SYT1: variants seen among roughly 807,000 people sequenced by gnomAD.
SYT1 encodes the protein synaptotagmin 1.
A neutral mutation model predicts 44.8 loss-of-function variants in SYT1; 8 were observed. That is an observed-to-expected ratio of 0.18 (90% CI 0.10 to 0.32). SYT1 has a LOEUF of 0.32. SYT1 is among the 10% of genes least tolerant of loss of function. SYT1 has a pLI of 1.00. For synonymous variants in SYT1, 154 were observed against 188.8 expected, an observed-to-expected ratio of 0.82 and a Z score of 1.51; for missense variants, 286 against 509.3, an observed-to-expected ratio of 0.56 and a Z score of 4.22.
At chr12:78,970,120 AGGT>A (rs1480158651) in intron 1 of SYT1, among the ~76,000 whole-genome samples, 5 of 152,206 alleles carry the variant, frequency 3.3e-5, no homozygotes, top group African/African-American at 1.2e-4. Flanking sequence ...TGAGAGAAAA[AGGT>A]GAGTTGCTGC....
At chr12:79,413,983 G>A (rs1458753923) in intron 9 of SYT1, among the ~76,000 whole-genome samples, 5 of 152,082 alleles carry the variant, frequency 3.3e-5, no homozygotes, top group Admixed American at 3.3e-4. Flanking sequence ...TTACAATTTA[G>A]GCTGGGACTG....
intron 3 of SYT1, among the ~76,000 whole-genome samples, chr12:79,147,627 A>T (rs1347251788): frequency 2.6e-5 from 4 of 152,220 alleles, no homozygotes; most frequent in Non-Finnish European, 5.9e-5. Context: ...TACATTTCTT[A>T]CAATACATTC....
chr12:79,189,140 T>C (rs575531147), intron 3 of SYT1, among the ~76,000 whole-genome samples: 1 of 152,276 alleles, frequency 6.6e-6, no homozygotes, highest in East Asian at 1.9e-4. Flanking sequence ...GAAGCAACCA[T>C]CCCTTTCTGA....
intron 3 of SYT1, among the ~76,000 whole-genome samples, chr12:79,091,442 G>A (rs1877770265): frequency 6.6e-6 from 1 of 152,012 alleles, no homozygotes; most frequent in Non-Finnish European, 1.5e-5. Context: ...ATATAAACTA[G>A]TTCTGAGTCT....
intron 2 of SYT1, among the ~76,000 whole-genome samples, chr12:78,999,679 G>A (rs1291636672): frequency 1.3e-5 from 2 of 152,144 alleles, no homozygotes; most frequent in Non-Finnish European, 2.9e-5. Context: ...GCAGGGTTCA[G>A]TGTAGCACTT....
intron 4 of SYT1, among the ~76,000 whole-genome samples, chr12:79,222,640 C>T (rs1035199917): frequency 1.3e-5 from 2 of 152,188 alleles, no homozygotes; most frequent in Non-Finnish European, 2.9e-5. Flanking sequence ...ACCTTGGCAT[C>T]CTAAAGTGCT....
rs937913389 is a variant in SYT1, at chr12:79,174,394, G to A, written c.-17-43109G>A. On this transcript the variant is annotated intron_variant, in intron 3 of 10. Coordinates refer to ENST00000261205, the MANE Select transcript of SYT1 (RefSeq NM_005639.3). ...ATTGGCTGATAAATAATATGGTGAC[G>A]TATTCTCCTGTCCTTATAGAAAAAA... Among the ~76,000 whole-genome samples the A allele has an allele frequency of 4.9e-5, 6 of 122,424 alleles. No individual in the cohort carries two copies. In the East Asian group the frequency reaches 8.4e-4, roughly 17 times the overall value. 80.3% of individuals were successfully genotyped at this position (122,424 alleles called of 152,430 possible). A position where few individuals can be genotyped will look rare whatever the true frequency, so the allele number is the denominator to read the frequency against.
chr12:79,411,450 T>C (rs1022559524), intron 9 of SYT1, among the ~76,000 whole-genome samples: 1 of 151,904 alleles, frequency 6.6e-6, no homozygotes, highest in Non-Finnish European at 1.5e-5. Flanking sequence ...GGAGGTGAAA[T>C]GGGTACTGAA....
At chr12:79,060,888 C>CA (rs375972275) in intron 3 of SYT1, among the ~76,000 whole-genome samples, 2,128 of 148,526 alleles carry the variant, frequency 0.014, 50 homozygotes, top group African/African-American at 0.048. Context: ...AGGCAATCAG[C>CA]AAAAAAAAAT....
chr12:78,952,095 T>A (rs2137299037), intron 1 of SYT1, among the ~76,000 whole-genome samples: 1 of 152,232 alleles, frequency 6.6e-6, no homozygotes, highest in African/African-American at 2.4e-5. Context: ...ATGAAGAAGC[T>A]TGATCATTTA....
At chr12:79,188,323 A>G (rs1161384671) in intron 3 of SYT1, among the ~76,000 whole-genome samples, 1 of 152,110 alleles carries the variant, frequency 6.6e-6, no homozygotes, top group Non-Finnish European at 1.5e-5. Context: ...TAAAAAATGT[A>G]TCTGGAACAT....
intron 1 of SYT1, among the ~76,000 whole-genome samples, chr12:78,928,383 T>C (rs1014355725): frequency 2.0e-5 from 3 of 152,192 alleles, no homozygotes; most frequent in Non-Finnish European, 4.4e-5. Context: ...ACAGCAAAGC[T>C]TGCATAATTT....
At chr12:79,044,604 G>A (rs1471606599) in intron 2 of SYT1, among the ~76,000 whole-genome samples, 4 of 147,482 alleles carry the variant, frequency 2.7e-5, no homozygotes, top group Admixed American at 6.8e-5. Flanking sequence ...TAATTTGATC[G>A]TCTGAAGCCT....
intron 9 of SYT1, among the ~76,000 whole-genome samples, chr12:79,443,560 T>C (rs1470710021): frequency 2.6e-5 from 4 of 152,210 alleles, no homozygotes; most frequent in Admixed American, 6.5e-5. Context: ...TGTCACATCA[T>C]AGATACTCAA....
At chr12:78,865,602 C>T (rs1873497747) in intron 1 of SYT1, among the ~76,000 whole-genome samples, 1 of 151,182 alleles carries the variant, frequency 6.6e-6, no homozygotes, top group South Asian at 2.1e-4. Flanking sequence ...AGAATACAAG[C>T]TCTGCGAAAA....
chr12:79,203,758 A>G (rs1873936401), intron 3 of SYT1, among the ~76,000 whole-genome samples: 1 of 152,190 alleles, frequency 6.6e-6, no homozygotes, highest in Non-Finnish European at 1.5e-5. Flanking sequence ...GATACTGTTC[A>G]TTCTTGTCTC....
intron 2 of SYT1, among the ~76,000 whole-genome samples, chr12:79,009,934 T>C (rs544023194): frequency 3.9e-5 from 6 of 152,228 alleles, no homozygotes; most frequent in African/African-American, 1.4e-4. Context: ...GCTGTCACTG[T>C]TCTCTCTCCC....
intron 3 of SYT1, among the ~76,000 whole-genome samples, chr12:79,117,704 T>TATAAA (rs1555199599): frequency 7.9e-5 from 8 of 101,726 alleles, no homozygotes; most frequent in African/African-American, 3.1e-4. Flanking sequence ...TATATATATA[T>TATAAA]ATATATATAT....
intron 1 of SYT1, among the ~76,000 whole-genome samples, chr12:78,885,931 T>C (rs1874724622): frequency 6.6e-6 from 1 of 152,006 alleles, no homozygotes; most frequent in Non-Finnish European, 1.5e-5. Context: ...ACATATCTAT[T>C]TTATGTATTT....
Sources: gnomAD v4.1 joint callset for allele counts (sites outside exome capture counted in the v4.1 genomes callset) on GRCh38, gnomAD v4.1.1 for gene constraint, MANE v1.5 for transcripts, NCBI Gene and HGNC (gene_info 2026-07-23, HGNC 2026-07-21) for gene names.